The following FGGY variants were observed in gnomAD, a reference collection of about 807,000 sequenced individuals.
The protein encoded by FGGY is FGGY carbohydrate kinase domain-containing protein.
In FGGY, 72 loss-of-function variants were observed where a neutral mutation model predicts 71.3. The ratio of observed to expected loss-of-function variants is 1.01; its 90% CI spans 0.84 to 1.23. The LOEUF (loss-of-function observed/expected upper bound fraction) is 1.23. Ranked by LOEUF, FGGY falls within the 50% of genes most tolerant of loss-of-function variation. FGGY has a pLI of 0.00. For synonymous variants in FGGY, 251 were observed against 250.3 expected (o/e 1.00, Z -0.02); for missense variants, 668 against 682.3 (o/e 0.98, Z 0.23).
At chr1:59,657,472 G>C (rs1006536475) in intron 11 of FGGY, among the ~76,000 whole-genome samples, 2 of 152,252 alleles carry the variant, frequency 1.3e-5, no homozygotes, top group African/African-American at 4.8e-5. Context: ...GAAACCGTGT[G>C]TGAATGGTGT....
At chr1:59,317,995 C>A (rs1028760152) in intron 1 of FGGY, among the ~76,000 whole-genome samples, 2 of 152,122 alleles carry the variant, frequency 1.3e-5, no homozygotes, top group Non-Finnish European at 2.9e-5. Flanking sequence ...CAGGCAGAGG[C>A]CCCCAGCAGA....
At chr1:59,347,956 G>C (rs1570759836) in intron 4 of FGGY, among the ~76,000 whole-genome samples, 1 of 152,026 alleles carries the variant, frequency 6.6e-6, no homozygotes, top group Non-Finnish European at 1.5e-5. Flanking sequence ...ATTGACAAAT[G>C]GGATCTCATT....
intron 5 of FGGY, among the ~76,000 whole-genome samples, chr1:59,405,708 C>T (rs1318465147): frequency 6.6e-6 from 1 of 152,090 alleles, no homozygotes; most frequent in African/African-American, 2.4e-5. Context: ...TATGAACCTC[C>T]CACCTTTAGC....
chr1:59,660,795 G>A (rs1447307127), intron 12 of FGGY, among the ~76,000 whole-genome samples: 2 of 152,182 alleles, frequency 1.3e-5, no homozygotes, highest in African/African-American at 4.8e-5. Context: ...AATCTGAAAT[G>A]TTAGGAGTTT....
intron 14 of FGGY, among the ~76,000 whole-genome samples, chr1:59,744,173 A>G (rs2098174010): frequency 1.3e-5 from 2 of 152,194 alleles, no homozygotes; most frequent in South Asian, 2.1e-4. Context: ...TATTACTTCT[A>G]TTTTACAGAT....
At chr1:59,512,595 A>G (rs978111901) in intron 7 of FGGY, among the ~76,000 whole-genome samples, 156 bp downstream of exon 7, 1 of 152,252 alleles carries the variant, frequency 6.6e-6, no homozygotes, top group Non-Finnish European at 1.5e-5. Flanking sequence ...AGGCATTTGG[A>G]TAGAATTACA....
intron 7 of FGGY, among the ~76,000 whole-genome samples, chr1:59,551,374 T>A (rs2095605354): frequency 6.6e-6 from 1 of 152,232 alleles, no homozygotes; most frequent in Non-Finnish European, 1.5e-5. Context: ...TCCTTCATTT[T>A]AATTCCCTTT....
intron 8 of FGGY, among the ~76,000 whole-genome samples, chr1:59,564,474 G>T (rs2095844270): frequency 6.6e-6 from 1 of 152,244 alleles, no homozygotes; most frequent in Admixed American, 6.5e-5. Flanking sequence ...GAGGCAAAGG[G>T]TGTGGCCTGG....
At chr1:59,600,374 C>T (rs936163961) in intron 8 of FGGY, among the ~76,000 whole-genome samples, 6 of 152,294 alleles carry the variant, frequency 3.9e-5, no homozygotes, top group South Asian at 4.1e-4. Flanking sequence ...GTCGATTAGC[C>T]ATCCAGGTCA....
intron 6 of FGGY, among the ~76,000 whole-genome samples, chr1:59,463,835 C>T (rs1294017373): frequency 6.6e-6 from 1 of 152,126 alleles, no homozygotes; most frequent in Non-Finnish European, 1.5e-5. Flanking sequence ...TACATATGTG[C>T]CCAATATAGG....
intron 4 of FGGY, 70 bp from the exon 5 acceptor site, chr1:59,378,679 G>A: frequency 7.0e-7 from 1 of 1,432,720 alleles, no homozygotes; most frequent in Non-Finnish European, 9.7e-7. Flanking sequence ...TGAAAAATTT[G>A]AAACATTATT....
At chr1:59,643,485 GTTCC>G (rs1413200870) in intron 11 of FGGY, among the ~76,000 whole-genome samples, 1 of 152,116 alleles carries the variant, frequency 6.6e-6, no homozygotes, top group African/African-American at 2.4e-5. Flanking sequence ...ATGAAACACT[GTTCC>G]CAGCCAGAAA....
chr1:59,427,176 C>T (rs1466662927), intron 5 of FGGY, among the ~76,000 whole-genome samples: 1 of 152,192 alleles, frequency 6.6e-6, no homozygotes, highest in African/African-American at 2.4e-5. Context: ...AGACTCTAGC[C>T]ACAAAGACAG....
intron 14 of FGGY, among the ~76,000 whole-genome samples, chr1:59,721,153 C>T (rs2097888888): frequency 6.6e-6 from 1 of 152,230 alleles, no homozygotes; most frequent in Admixed American, 6.5e-5. Context: ...CCCCCTTGCC[C>T]TACTTGATGT....
At chr1:59,574,543 A>G (rs1188234116) in intron 8 of FGGY, among the ~76,000 whole-genome samples, 1 of 152,080 alleles carries the variant, frequency 6.6e-6, no homozygotes, top group Non-Finnish European at 1.5e-5. Context: ...TCAGCCTACC[A>G]TACCCTTTAT....
chr1:59,378,786 T>G lies in FGGY; in HGVS notation c.503T>G (p.Phe168Cys). ...ATTTGCTGGGATAAGGCGGGACATT[T>G]CTTTGATCTCCCGGACTTCTTATCG... ...REICWDKAGHFFDLPDFLSWK... is the reference protein window; with the variant it reads ...REICWDKAGHCFDLPDFLSWK... The change falls in exon 5 of 16, where the codon TTC (phenylalanine) becomes TGC (cysteine). Residue 168 changes from phenylalanine to cysteine, a missense_variant. Phe to Cys is a radical substitution (Grantham distance 205). Around this residue, in one of 2 missense-constraint regions of FGGY, gnomAD observed 661 missense variants for 661.6 expected, o/e 1.00. Transcript: ENST00000303721. 6.2e-7 allele frequency: 1 copy of G among 1,613,608 alleles called. No homozygotes were observed. Among genetic ancestry groups the G allele is most frequent in the Non-Finnish European group, 8.5e-7 (1 of 1,179,692 alleles).
intron 4 of FGGY, 100 bp from the exon 5 acceptor site, chr1:59,378,649 T>G (rs1475476089): frequency 1.0e-6 from 1 of 975,504 alleles, no homozygotes; most frequent in Admixed American, 2.1e-5. Flanking sequence ...CAATGGGCAT[T>G]GTTGGCTATG....
intron 5 of FGGY, among the ~76,000 whole-genome samples, chr1:59,449,979 A>G (rs913138289): frequency 3.9e-5 from 6 of 152,208 alleles, no homozygotes; most frequent in African/African-American, 1.4e-4. Context: ...AAAAAGTAGA[A>G]TAAGTTTCTT....
intron 5 of FGGY, among the ~76,000 whole-genome samples, chr1:59,383,328 CAG>C (rs1017250202): frequency 1.1e-4 from 16 of 152,204 alleles, no homozygotes; most frequent in African/African-American, 3.6e-4. Flanking sequence ...CACTGCCTAA[CAG>C]AATATACATG....
Sources: gnomAD v4.1 joint callset for allele counts (sites outside exome capture counted in the v4.1 genomes callset) on GRCh38, gnomAD v4.1.1 for gene constraint, gnomAD v4.1.1 regional missense constraint, MANE v1.5 for transcripts, NCBI Gene and HGNC (gene_info 2026-07-23, HGNC 2026-07-21) for gene names.